MBNL2: variants seen among roughly 807,000 people sequenced by gnomAD.
The protein encoded by MBNL2 is muscleblind like splicing regulator 2.
In MBNL2, 17 loss-of-function variants were observed where a neutral mutation model predicts 41.9. The ratio of observed to expected loss-of-function variants is 0.41; its 90% CI spans 0.28 to 0.61. The LOEUF (loss-of-function observed/expected upper bound fraction) is 0.61, where lower values mean the gene tolerates loss of function less well. MBNL2 is among the 20% of genes least tolerant of loss of function. The pLI, the probability that MBNL2 is intolerant of heterozygous loss-of-function variation, is 0.35. For missense variants in MBNL2, 336 were observed against 505.6 expected (o/e 0.66, Z 3.22); for synonymous variants, 195 against 182.9 (o/e 1.07, Z -0.53).
intron 2 of MBNL2, among the ~76,000 whole-genome samples, chr13:97,305,727 C>A (rs2058062068): frequency 1.3e-5 from 2 of 151,984 alleles, no homozygotes; most frequent in African/African-American, 4.8e-5. Flanking sequence ...CGTGCGCACA[C>A]CACTGCACTC....
intron 2 of MBNL2, among the ~76,000 whole-genome samples, chr13:97,331,413 T>C (rs1457061567): frequency 1.3e-5 from 2 of 152,212 alleles, no homozygotes; most frequent in African/African-American, 4.8e-5. Flanking sequence ...AACGGATAGG[T>C]CCATGCAAAT....
intron 8 of MBNL2, among the ~76,000 whole-genome samples, chr13:97,373,625 T>TATATATATATATA (rs1287135685): frequency 6.7e-6 from 1 of 150,108 alleles, no homozygotes; most frequent in African/African-American, 2.5e-5. Flanking sequence ...TATATATATA[T>TATATATATATATA]TAAGGGTAGG....
intron 2 of MBNL2, among the ~76,000 whole-genome samples, chr13:97,304,118 C>T (rs1229425027): frequency 6.6e-6 from 1 of 152,214 alleles, no homozygotes; most frequent in Non-Finnish European, 1.5e-5. Context: ...AATCCCACAC[C>T]TGAAGAAAGG....
At chr13:97,287,917 T>TG (rs950352359) in intron 2 of MBNL2, among the ~76,000 whole-genome samples, 80 of 80,666 alleles carry the variant, frequency 9.9e-4, no homozygotes, top group Middle Eastern at 0.011. Context: ...GCTAATTTTC[T>TG]GTTTTTTTTT....
At chr13:97,355,749 C>A (rs1200136652) in intron 5 of MBNL2, among the ~76,000 whole-genome samples, 1 of 152,046 alleles carries the variant, frequency 6.6e-6, no homozygotes, top group East Asian at 1.9e-4. Context: ...TAGTATTTTA[C>A]TTCTAATCTT....
intron 5 of MBNL2, among the ~76,000 whole-genome samples, chr13:97,354,510 A>C (rs1167787426): frequency 3.3e-5 from 5 of 152,200 alleles, no homozygotes; most frequent in African/African-American, 9.7e-5. Flanking sequence ...GAAAACTCCC[A>C]CCACAGAGTG....
chr13:97,390,737 C>T (rs1056299533), intron 8 of MBNL2, among the ~76,000 whole-genome samples: 25 of 152,156 alleles, frequency 1.6e-4, no homozygotes, highest in Non-Finnish European at 2.9e-4. Context: ...GACTGTTATC[C>T]CTTTTACTCT....
chr13:97,240,194 C>G (rs1224456179), intron 1 of MBNL2, among the ~76,000 whole-genome samples: 2 of 152,182 alleles, frequency 1.3e-5, no homozygotes, highest in African/African-American at 4.8e-5. Context: ...CTAGACTACA[C>G]AGTGATGTTG....
At chr13:97,341,111 A>G (rs952234933) in intron 3 of MBNL2, among the ~76,000 whole-genome samples, 3 of 152,208 alleles carry the variant, frequency 2.0e-5, no homozygotes, top group African/African-American at 7.2e-5. Flanking sequence ...GGGTTAAATT[A>G]CACATTTAGT....
chr13:97,199,416 G>C, the MBNL2 span, among the ~76,000 whole-genome samples: 2 of 152,248 alleles, frequency 1.3e-5, no homozygotes, highest in Admixed American at 1.3e-4. Context: ...GCTCCATGAG[G>C]GCAAGGAGTT....
chr13:97,272,814 T>C (rs1489143353), intron 1 of MBNL2, among the ~76,000 whole-genome samples: 2 of 152,246 alleles, frequency 1.3e-5, no homozygotes, highest in Non-Finnish European at 2.9e-5. Flanking sequence ...AATAATCCTA[T>C]ACAGTTTTTG....
chr13:97,301,078 A>G (rs1308235980), intron 2 of MBNL2, among the ~76,000 whole-genome samples: 1 of 152,198 alleles, frequency 6.6e-6, no homozygotes, highest in Non-Finnish European at 1.5e-5. Context: ...GCTAAGTAGG[A>G]CTTCAGAATG....
chr13:97,163,428 G>A, the MBNL2 span, among the ~76,000 whole-genome samples: 3 of 148,800 alleles, frequency 2.0e-5, no homozygotes, highest in African/African-American at 5.0e-5. Flanking sequence ...GCTGGTCCAG[G>A]CACACTCCTC....
chr13:97,164,929 G>A, the MBNL2 span, among the ~76,000 whole-genome samples: 10 of 152,302 alleles, frequency 6.6e-5, 1 homozygote, highest in African/African-American at 2.4e-4. Context: ...ACAAGGCTGG[G>A]CGTGGTGGCT....
chr13:97,326,113 A>C (rs1285430321), intron 2 of MBNL2, among the ~76,000 whole-genome samples: 2 of 117,878 alleles, frequency 1.7e-5, no homozygotes, highest in East Asian at 5.8e-4. Flanking sequence ...CAGGTGATGC[A>C]GTGGAATGAT....
intron 2 of MBNL2, among the ~76,000 whole-genome samples, chr13:97,308,865 C>T (rs2058343911): frequency 6.6e-6 from 1 of 152,182 alleles, no homozygotes; most frequent in Admixed American, 6.5e-5. Context: ...GTGACTGTGA[C>T]TATGACAATG....
chr13:97,197,697 C>G, the MBNL2 span, among the ~76,000 whole-genome samples: 15,045 of 152,128 alleles, frequency 0.099, 1,122 homozygotes, highest in African/African-American at 0.21. Flanking sequence ...TGAAGTATTT[C>G]TAATTCCTCT....
the MBNL2 span, among the ~76,000 whole-genome samples, chr13:97,193,967 C>T: frequency 6.6e-6 from 1 of 152,174 alleles, no homozygotes; most frequent in African/African-American, 2.4e-5. Flanking sequence ...GGTCAAACTC[C>T]TCTCCCATCT....
intron 8 of MBNL2, among the ~76,000 whole-genome samples, chr13:97,386,108 T>A (rs1401165026): frequency 1.3e-5 from 2 of 151,348 alleles, no homozygotes; most frequent in East Asian, 3.8e-4. Flanking sequence ...TCACATACTC[T>A]CTTTCTTTGG....
Sources: allele counts gnomAD v4.1 joint callset (sites outside exome capture counted in the v4.1 genomes callset), GRCh38; gene constraint gnomAD v4.1.1; transcripts MANE v1.5; gene names NCBI Gene and HGNC (gene_info 2026-07-23, HGNC 2026-07-21).